PBX3: variants seen among roughly 807,000 people sequenced by gnomAD.
The protein encoded by PBX3 is PBX homeobox 3.
Under a neutral mutation model 48.5 loss-of-function variants are expected in PBX3, and 14 were observed. That is an observed-to-expected ratio of 0.29 (90% CI 0.19 to 0.45). The LOEUF (loss-of-function observed/expected upper bound fraction) is 0.45. PBX3 is among the 20% of genes least tolerant of loss of function. The pLI is 1.00. For synonymous variants in PBX3, 210 were observed against 200.3 expected (o/e 1.05, Z -0.41); for missense variants, 386 against 546.7 (o/e 0.71, Z 2.93).
chr9:125,798,683 T>G (rs1255570734), intron 2 of PBX3, among the ~76,000 whole-genome samples: 1 of 152,128 alleles, frequency 6.6e-6, no homozygotes, highest in African/African-American at 2.4e-5. Flanking sequence ...TTTCTAATTA[T>G]TGTTTCATTA....
At chr9:125,764,631 T>C (rs1446758629) in intron 2 of PBX3, among the ~76,000 whole-genome samples, 1 of 152,218 alleles carries the variant, frequency 6.6e-6, no homozygotes. Context: ...TTTCAATTTT[T>C]AGTTAGCAAT....
intron 5 of PBX3, among the ~76,000 whole-genome samples, chr9:125,949,780 C>T (rs746823519): frequency 4.6e-5 from 7 of 152,298 alleles, no homozygotes; most frequent in Non-Finnish European, 8.8e-5. Context: ...TTTCATAGGA[C>T]ACTGAATGCA....
At chr9:125,766,932 A>G (rs1422515337) in intron 2 of PBX3, among the ~76,000 whole-genome samples, 2 of 152,224 alleles carry the variant, frequency 1.3e-5, no homozygotes, top group African/African-American at 4.8e-5. Flanking sequence ...GGAACAGAAT[A>G]CAGTAAGGTA....
rs192487207 is a variant in PBX3 at position 125,832,259 on chromosome 9, G to T, written c.275-83427G>T. 2.0e-5 allele frequency among the ~76,000 whole-genome samples: 3 copies of T among 151,124 alleles called. No homozygotes were observed. In the East Asian group the frequency reaches 5.8e-4, roughly 29 times the overall value. On this transcript the variant is annotated intron_variant, in intron 2 of 8. Transcript: ENST00000373489. ...TGCCCAGGCTGGAGTGCAGTGGCGC[G>T]ATCTCGGCTGACTGCAAGCTCTGCC...
intron 2 of PBX3, among the ~76,000 whole-genome samples, chr9:125,881,092 T>C (rs1840370673): frequency 6.6e-6 from 1 of 152,242 alleles, no homozygotes; most frequent in South Asian, 2.1e-4. Context: ...TAAAATAAAC[T>C]TGACACTTGT....
chr9:125,854,183 G>A (rs1839659247), intron 2 of PBX3, among the ~76,000 whole-genome samples: 1 of 152,098 alleles, frequency 6.6e-6, no homozygotes, highest in African/African-American at 2.4e-5. Flanking sequence ...CCAGGCTGGA[G>A]TGCAGTGGTG....
chr9:125,919,759 C>T (rs1009954144), intron 3 of PBX3, among the ~76,000 whole-genome samples: 2 of 152,094 alleles, frequency 1.3e-5, no homozygotes, highest in African/African-American at 4.8e-5. Flanking sequence ...TTTAGATTGC[C>T]ATAAAACTAA....
At chr9:125,933,835 A>G (rs371301429) in intron 4 of PBX3, among the ~76,000 whole-genome samples, 1 of 152,188 alleles carries the variant, frequency 6.6e-6, no homozygotes, top group Non-Finnish European at 1.5e-5. Context: ...TATGGGCCAG[A>G]TAATGTCCAT....
chr9:125,901,066 C>T (rs1840933914), intron 2 of PBX3, among the ~76,000 whole-genome samples: 1 of 151,634 alleles, frequency 6.6e-6, no homozygotes, highest in Non-Finnish European at 1.5e-5. Flanking sequence ...TGACACTATC[C>T]CAGAATTATA....
rs781342092 is a variant in PBX3, at chr9:125,929,768, T to C, written c.630T>C (p.Phe210=). The C allele has an allele frequency of 1.2e-6, 2 of 1,614,056 alleles. No homozygotes were observed. The highest frequency in any genetic ancestry group is 1.7e-5 in the Admixed American group (1 of 60,022). Reference sequence around the variant, plus strand: ...TGGTGGGCATCATCCATCGAAAATTTAGTTCCATTCAGATGCAGCTCAAAC... The same window carrying C: ...TGGTGGGCATCATCCATCGAAAATTCAGTTCCATTCAGATGCAGCTCAAAC... ...ERMVGIIHRK[F]SSIQMQLKQS... is the part of the protein sequence containing the mutation. Residue 210 remains phenylalanine, a synonymous_variant, in exon 4 of 9, where the codon TTT becomes TTC. Transcript: ENST00000373489.
At chr9:125,810,434 C>T (rs1838256561) in intron 2 of PBX3, among the ~76,000 whole-genome samples, 1 of 150,412 alleles carries the variant, frequency 6.6e-6, no homozygotes, top group Admixed American at 6.6e-5. Context: ...TTTATTGTAC[C>T]TAGAAAACCA....
At chr9:125,777,582 G>A (rs1057515136) in intron 2 of PBX3, among the ~76,000 whole-genome samples, 16 of 149,608 alleles carry the variant, frequency 1.1e-4, no homozygotes, top group African/African-American at 3.2e-4. Context: ...CAGGCTGGTC[G>A]CAAACTCCTG....
At chr9:125,821,320 A>G (rs768674522) in intron 2 of PBX3, among the ~76,000 whole-genome samples, 2 of 152,154 alleles carry the variant, frequency 1.3e-5, no homozygotes, top group Admixed American at 6.5e-5. Context: ...TCATTCTGAC[A>G]GTGGTAAGCT....
chr9:125,768,244 A>G (rs1275835218), intron 2 of PBX3, among the ~76,000 whole-genome samples: 3 of 152,196 alleles, frequency 2.0e-5, no homozygotes, highest in East Asian at 1.9e-4. Flanking sequence ...ATCCTTGTGT[A>G]TATAAAATAA....
intron 2 of PBX3, among the ~76,000 whole-genome samples, chr9:125,898,568 T>A (rs1186970599): frequency 6.6e-6 from 1 of 151,696 alleles, no homozygotes; most frequent in East Asian, 1.9e-4. Context: ...TCTGAACTGG[T>A]TCAGGAACGT....
chr9:125,927,154 TTTATGG>T (rs1371019876), intron 3 of PBX3, among the ~76,000 whole-genome samples: 1 of 152,238 alleles, frequency 6.6e-6, no homozygotes, highest in Non-Finnish European at 1.5e-5. Flanking sequence ...GGATAATGAA[TTTATGG>T]CTATTAACCA....
intron 2 of PBX3, among the ~76,000 whole-genome samples, chr9:125,800,872 T>C (rs1478683016): frequency 1.3e-5 from 2 of 151,344 alleles, no homozygotes; most frequent in Non-Finnish European, 2.9e-5. Flanking sequence ...CCTACCTCAG[T>C]GTCTCCAGTA....
chr9:125,881,182 C>G (rs1364203282), intron 2 of PBX3, among the ~76,000 whole-genome samples: 2 of 152,198 alleles, frequency 1.3e-5, no homozygotes, highest in Non-Finnish European at 2.9e-5. Flanking sequence ...TGACTCTCAT[C>G]TTTGTATTTA....
At chr9:125,758,256 T>G (rs1319769000) in intron 2 of PBX3, among the ~76,000 whole-genome samples, 1 of 152,232 alleles carries the variant, frequency 6.6e-6, no homozygotes, top group Non-Finnish European at 1.5e-5. Flanking sequence ...ACTTTCAGTG[T>G]AATCAGTATA....
Sources: allele counts gnomAD v4.1 joint callset (sites outside exome capture counted in the v4.1 genomes callset), GRCh38; gene constraint gnomAD v4.1.1; transcripts MANE v1.5; gene names NCBI Gene and HGNC (gene_info 2026-07-23, HGNC 2026-07-21).